Variants in NKAIN2 observed in about 807,000 individuals in gnomAD.
NKAIN2 encodes the protein sodium/potassium transporting ATPase interacting 2.
Under a neutral mutation model 32.6 loss-of-function variants are expected in NKAIN2, and 14 were observed. That is an observed-to-expected ratio of 0.43 (90% CI 0.28 to 0.67). The LOEUF is 0.67. Among genes scored for constraint, NKAIN2 ranks in the 30% least tolerant of loss-of-function variants. NKAIN2 has a pLI of 0.17. For missense variants in NKAIN2, 198 were observed against 258.3 expected, an observed-to-expected ratio of 0.77 and a Z score of 1.60; for synonymous variants, 80 against 87.2, an observed-to-expected ratio of 0.92 and a Z score of 0.46.
intron 1 of NKAIN2, among the ~76,000 whole-genome samples, chr6:123,902,501 G>A (rs951183297): frequency 9.9e-5 from 15 of 152,184 alleles, no homozygotes; most frequent in Admixed American, 4.6e-4. Context: ...CATATTAAAT[G>A]TTATCCAGAA....
At chr6:124,754,580 A>G (rs544698541) in intron 4 of NKAIN2, among the ~76,000 whole-genome samples, 90 of 152,270 alleles carry the variant, frequency 5.9e-4, no homozygotes, top group Non-Finnish European at 1.0e-3. Context: ...TCAAAGCTAC[A>G]ATGAGATACC....
At chr6:124,037,073 G>A (rs908310242) in intron 1 of NKAIN2, among the ~76,000 whole-genome samples, 1 of 152,096 alleles carries the variant, frequency 6.6e-6, no homozygotes, top group African/African-American at 2.4e-5. Flanking sequence ...ACCTACTGCA[G>A]GTCTGCTTAC....
chr6:124,328,766 C>G (rs1797527341), intron 2 of NKAIN2, among the ~76,000 whole-genome samples: 1 of 152,128 alleles, frequency 6.6e-6, no homozygotes, highest in African/African-American at 2.4e-5. Flanking sequence ...TGGATGTAGG[C>G]TACCTAAAGG....
intron 4 of NKAIN2, among the ~76,000 whole-genome samples, chr6:124,728,763 C>A (rs1252585504): frequency 2.6e-5 from 4 of 151,784 alleles, no homozygotes; most frequent in Non-Finnish European, 5.9e-5. Flanking sequence ...ATTAATGAAA[C>A]CAGGAGCTGG....
At chr6:124,807,471 C>G (rs1374946488) in intron 5 of NKAIN2, among the ~76,000 whole-genome samples, 1 of 151,626 alleles carries the variant, frequency 6.6e-6, no homozygotes, top group East Asian at 2.0e-4. Context: ...ACAAGAATCT[C>G]TGGGACGCAT....
chr6:124,324,892 C>CTACT (rs978397817), intron 2 of NKAIN2, among the ~76,000 whole-genome samples: 39 of 151,966 alleles, frequency 2.6e-4, no homozygotes, highest in African/African-American at 9.4e-4. Flanking sequence ...TGAATAAACA[C>CTACT]TACTTGGTCA....
intron 3 of NKAIN2, among the ~76,000 whole-genome samples, chr6:124,565,587 G>A (rs908307152): frequency 3.9e-5 from 6 of 152,104 alleles, no homozygotes; most frequent in Non-Finnish European, 4.4e-5. Flanking sequence ...GATTCCGTGC[G>A]AAACACCACT....
At chr6:124,184,189 C>G (rs1241109009) in intron 1 of NKAIN2, among the ~76,000 whole-genome samples, 4 of 152,086 alleles carry the variant, frequency 2.6e-5, no homozygotes, top group Non-Finnish European at 5.9e-5. Flanking sequence ...GCCAAACATT[C>G]TGGTCTCGAA....
chr6:124,778,280 A>C (rs1779071243), intron 4 of NKAIN2, among the ~76,000 whole-genome samples: 1 of 151,978 alleles, frequency 6.6e-6, no homozygotes, highest in South Asian at 2.1e-4. Flanking sequence ...AAGTCAAAGG[A>C]GATATTAAAA....
At chr6:123,981,069 A>C (rs1276502315) in intron 1 of NKAIN2, among the ~76,000 whole-genome samples, 1 of 151,996 alleles carries the variant, frequency 6.6e-6, no homozygotes. Context: ...GGGTTTCACC[A>C]TGTTGGCCAG....
intron 1 of NKAIN2, among the ~76,000 whole-genome samples, chr6:124,240,759 T>C (rs186827381): frequency 6.7e-4 from 102 of 152,228 alleles, no homozygotes; most frequent in African/African-American, 2.3e-3. Flanking sequence ...AATAATGAGC[T>C]ATTTATGACA....
At chr6:124,027,387 C>T (rs939147122) in intron 1 of NKAIN2, among the ~76,000 whole-genome samples, 18 of 152,102 alleles carry the variant, frequency 1.2e-4, no homozygotes, top group African/African-American at 3.9e-4. Flanking sequence ...GTGATCTGCC[C>T]GCCTCAGCCT....
chr6:124,293,798 G>T (rs1273455884), intron 2 of NKAIN2, among the ~76,000 whole-genome samples: 1 of 151,698 alleles, frequency 6.6e-6, no homozygotes, highest in Non-Finnish European at 1.5e-5. Context: ...TTAATATCTC[G>T]TAAGAGAAAA....
intron 4 of NKAIN2, among the ~76,000 whole-genome samples, chr6:124,772,454 G>C (rs2114762748): frequency 6.6e-6 from 1 of 152,206 alleles, no homozygotes; most frequent in East Asian, 1.9e-4. Flanking sequence ...ATGCCGAGTG[G>C]GCAGCTGCAC....
chr6:124,682,615 G>A (rs1773676540), intron 4 of NKAIN2, among the ~76,000 whole-genome samples: 1 of 151,986 alleles, frequency 6.6e-6, no homozygotes, highest in Non-Finnish European at 1.5e-5. Context: ...CAATCCGGAA[G>A]GAAAATGCTA....
At chr6:124,214,968 G>A (rs1582861641) in intron 1 of NKAIN2, among the ~76,000 whole-genome samples, 1 of 151,964 alleles carries the variant, frequency 6.6e-6, no homozygotes, top group Non-Finnish European at 1.5e-5. Context: ...TTTGAGAAAA[G>A]CTGCCGATAT....
Position 124,439,575 on chromosome 6 carries a change from T to C in NKAIN2, c.273+84228T>C, listed in dbSNP as rs117561414. On this transcript the variant is annotated intron_variant, in intron 3 of 6. Coordinates refer to ENST00000368417, the MANE Select transcript of NKAIN2 (RefSeq NM_001040214.3). Reference sequence around the variant, plus strand: ...AGGCCTTTAAAATTATTTTAATGTCTAGAAAATCCGAATTCTAACCTCTTC... The same window carrying C: ...AGGCCTTTAAAATTATTTTAATGTCCAGAAAATCCGAATTCTAACCTCTTC... 3.3e-3 allele frequency among the ~76,000 whole-genome samples: 498 copies of C among 152,046 alleles called. 1 individual carries two copies. Among genetic ancestry groups the C allele is most frequent in the Non-Finnish European group, 5.5e-3 (372 of 67,964 alleles).
intron 1 of NKAIN2, among the ~76,000 whole-genome samples, chr6:124,233,036 TG>T (rs1383603321): frequency 1.3e-5 from 2 of 152,108 alleles, no homozygotes; most frequent in Non-Finnish European, 2.9e-5. Flanking sequence ...TCTGAGTTGC[TG>T]GGGGTACAAT....
chr6:124,633,788 C>T (rs114244045), intron 3 of NKAIN2, among the ~76,000 whole-genome samples: 4,081 of 152,208 alleles, frequency 0.027, 62 homozygotes, highest in African/African-American at 0.046. Context: ...ACCTAGAGCC[C>T]GAGGACCAGT....
Sources: gnomAD v4.1 joint callset for allele counts (sites outside exome capture counted in the v4.1 genomes callset) on GRCh38, gnomAD v4.1.1 for gene constraint, MANE v1.5 for transcripts, NCBI Gene and HGNC (gene_info 2026-07-23, HGNC 2026-07-21) for gene names.